The following SLF1 variants were observed in gnomAD, a reference collection of about 807,000 sequenced individuals.
SLF1 encodes the protein SMC5-SMC6 complex localization factor protein 1.
In SLF1, 105 loss-of-function variants were observed where a neutral mutation model predicts 123.0. That is an observed-to-expected ratio of 0.85 (90% confidence interval 0.73 to 1.00). The LOEUF (loss-of-function observed/expected upper bound fraction) is 1.00, where lower values mean the gene tolerates loss of function less well. Ranked by LOEUF, SLF1 falls within the 50% of genes least tolerant of loss-of-function variation. SLF1 has a pLI of 0.00. For synonymous variants in SLF1, 434 were observed against 406.6 expected (o/e 1.07, Z -0.81); for missense variants, 1,239 against 1,223.0 (o/e 1.01, Z -0.20).
At chr5:94,684,622 C>T (rs143272521) in intron 15 of SLF1, among the ~76,000 whole-genome samples, 30 of 147,768 alleles carry the variant, frequency 2.0e-4, no homozygotes, top group East Asian at 1.0e-3. Flanking sequence ...GGTGTGAACC[C>T]GGGAGGCAGA....
In SLF1 at chr5:94,695,401, A is replaced by T. The variant is rs1373857486; in HGVS notation, c.*89A>T. On this transcript the variant is annotated 3_prime_UTR_variant, in exon 21 of 21. Coordinates refer to ENST00000265140, the MANE Select transcript of SLF1 (RefSeq NM_032290.4). ...ACTTCATAGCTTACTGACAGATAGT[A>T]ATTTGATTTATTTATTGACAGACTT... is the stretch of plus-strand genomic sequence containing the variant. 7.3e-7 allele frequency: 1 copy of T among 1,362,542 alleles called. No individual in the cohort carries two copies. The highest frequency in any genetic ancestry group is 9.6e-7 in the Non-Finnish European group (1 of 1,039,606). The allele number at this position is 1,362,542 out of a possible 1,614,324, so 84.4% of individuals were successfully genotyped here. A position where few individuals can be genotyped will look rare whatever the true frequency, so the allele number is the denominator to read the frequency against.
At chr5:94,626,850 G>T (rs886766658) in intron 1 of SLF1, among the ~76,000 whole-genome samples, 1 of 152,168 alleles carries the variant, frequency 6.6e-6, no homozygotes, top group Non-Finnish European at 1.5e-5. Flanking sequence ...CATCCATTTA[G>T]TTGTCTCAAG....
At chr5:94,680,856 A>C (rs1751679248) in intron 15 of SLF1, among the ~76,000 whole-genome samples, 1 of 152,180 alleles carries the variant, frequency 6.6e-6, no homozygotes, top group Non-Finnish European at 1.5e-5. Context: ...TAGAACTTTG[A>C]TTCTGTGAGT....
At chr5:94,649,369 ATAGT>A (rs964989662) in intron 5 of SLF1, 81 bp from the exon 6 acceptor site, 7 of 1,112,820 alleles carry the variant, frequency 6.3e-6, no homozygotes, top group East Asian at 5.6e-5. Context: ...ACAAAGTATT[ATAGT>A]TAAAGTTGAG....
At chr5:94,642,843 C>G (rs1746599424) in intron 4 of SLF1, among the ~76,000 whole-genome samples, 1 of 151,714 alleles carries the variant, frequency 6.6e-6, no homozygotes, top group African/African-American at 2.4e-5. Flanking sequence ...TAGTTCAAGG[C>G]TAAAATTTTT....
At chr5:94,661,953 C>T (rs1022202594) in intron 9 of SLF1, among the ~76,000 whole-genome samples, 1 of 152,126 alleles carries the variant, frequency 6.6e-6, no homozygotes, top group African/African-American at 2.4e-5. Flanking sequence ...ATATAGCAAA[C>T]ATAACTGATG....
chr5:94,627,342 A>G (rs968683472), intron 1 of SLF1, among the ~76,000 whole-genome samples: 2 of 151,944 alleles, frequency 1.3e-5, no homozygotes, highest in African/African-American at 4.8e-5. Flanking sequence ...TTGTCTGTGG[A>G]AAGATTGAGA....
chr5:94,632,080 G>C (rs1417807023), intron 4 of SLF1, among the ~76,000 whole-genome samples: 1 of 151,566 alleles, frequency 6.6e-6, no homozygotes, highest in African/African-American at 2.4e-5. Context: ...CCCAGGAGTT[G>C]GAGGCTGCAG....
intron 9 of SLF1, 100 bp downstream of exon 9, chr5:94,654,852 A>G: frequency 1.2e-6 from 1 of 838,292 alleles, no homozygotes; most frequent in Non-Finnish European, 1.6e-6. Context: ...ATTCATTAGT[A>G]TGTTTAATAT....
chr5:94,681,493 ATTTTTT>A (rs1472497519), intron 15 of SLF1, among the ~76,000 whole-genome samples: 1 of 152,068 alleles, frequency 6.6e-6, no homozygotes, highest in African/African-American at 2.4e-5. Flanking sequence ...TTTCTTTTTT[ATTTTTT>A]ATTTATTACT....
At position 94,695,219 on chromosome 5, in the gene SLF1, G is replaced by A; in HGVS notation, c.3084G>A (p.Leu1028=). 1 of 1,612,648 alleles carries A rather than the reference G, an allele frequency of 6.2e-7. No homozygotes were observed. Residue 1028 remains leucine (L), a synonymous_variant, in exon 21 of 21, where the codon CTG becomes CTA. Transcript: ENST00000265140. ...AACTCCCACACATTCTTAAGGAACT[G>A]CCTGAGAATTTGAAAGTGTGTCCTG... is the stretch of plus-strand genomic sequence containing the variant. ...LQKLPHILKE[L]PENLKVCPGV...
chr5:94,636,129 T>A (rs1435557478), intron 4 of SLF1, among the ~76,000 whole-genome samples: 1 of 152,206 alleles, frequency 6.6e-6, no homozygotes, highest in Non-Finnish European at 1.5e-5. Flanking sequence ...TGACTTGAAG[T>A]GTTTCTGCTT....
intron 9 of SLF1, among the ~76,000 whole-genome samples, chr5:94,656,901 TTTTG>T (rs1357700474): frequency 2.0e-5 from 3 of 151,176 alleles, no homozygotes; most frequent in South Asian, 2.1e-4. Flanking sequence ...GGCTTATTGA[TTTTG>T]TTTAACTTTT....
chr5:94,634,511 C>T (rs72773517), intron 4 of SLF1, among the ~76,000 whole-genome samples: 33,876 of 152,116 alleles, frequency 0.22, 3,904 homozygotes, highest in East Asian at 0.34. Flanking sequence ...CATAATTTCT[C>T]TCTTTCTAAA....
intron 12 of SLF1, among the ~76,000 whole-genome samples, chr5:94,667,991 G>A (rs534905331): frequency 6.6e-6 from 1 of 151,906 alleles, no homozygotes; most frequent in South Asian, 2.1e-4. Flanking sequence ...CAAGTTTTCT[G>A]CCCGCCTCAG....
chr5:94,638,915 G>A (rs1441871833), intron 4 of SLF1, among the ~76,000 whole-genome samples: 1 of 151,302 alleles, frequency 6.6e-6, no homozygotes, highest in Non-Finnish European at 1.5e-5. Context: ...TCTTAAAAAT[G>A]TAATTTGACA....
intron 4 of SLF1, among the ~76,000 whole-genome samples, chr5:94,632,636 A>G (rs1745333179): frequency 6.6e-6 from 1 of 151,944 alleles, no homozygotes; most frequent in Non-Finnish European, 1.5e-5. Flanking sequence ...TTTTATCTGC[A>G]TCTTTTGAGA....
chr5:94,672,754 G>A (rs1187558170), intron 14 of SLF1, among the ~76,000 whole-genome samples: 2 of 151,992 alleles, frequency 1.3e-5, no homozygotes, highest in Admixed American at 1.3e-4. Flanking sequence ...TATTATCTAT[G>A]CTTGATTATT....
At chr5:94,683,444 T>G (rs542352803) in intron 15 of SLF1, among the ~76,000 whole-genome samples, 3 of 152,300 alleles carry the variant, frequency 2.0e-5, no homozygotes, top group Middle Eastern at 3.4e-3. Flanking sequence ...TTAAGAGAGA[T>G]AAACGGTAAT....
Sources: allele counts gnomAD v4.1 joint callset (sites outside exome capture counted in the v4.1 genomes callset), GRCh38; gene constraint gnomAD v4.1.1; transcripts MANE v1.5; gene names NCBI Gene and HGNC (gene_info 2026-07-23, HGNC 2026-07-21).